The following C12orf42 variants were observed in gnomAD, a reference collection of about 807,000 sequenced individuals.
C12orf42 encodes chromosome 12 open reading frame 42.
In C12orf42, 25 loss-of-function variants were observed where a neutral mutation model predicts 21.6. The observed-to-expected ratio is 1.16, with a 90% CI of 0.84 to 1.62. C12orf42 has a LOEUF of 1.62. C12orf42 is among the 40% of genes most tolerant of loss of function. The probability of loss-of-function intolerance (pLI) is 0.00; values close to 1 mark genes in which losing one functional copy is unlikely to be tolerated. For synonymous variants in C12orf42, 174 were observed against 175.0 expected, an observed-to-expected ratio of 0.99 and a Z score of 0.05; for missense variants, 483 against 459.3, an observed-to-expected ratio of 1.05 and a Z score of -0.47.
At chr12:103,327,298 G>A (rs1226649930) in intron 4 of C12orf42, among the ~76,000 whole-genome samples, 1 of 152,090 alleles carries the variant, frequency 6.6e-6, no homozygotes, top group East Asian at 1.9e-4. Flanking sequence ...TCCAATACAG[G>A]TATTCTGGGC....
chr12:103,091,454 A>C, the C12orf42 span, among the ~76,000 whole-genome samples: 1 of 151,842 alleles, frequency 6.6e-6, no homozygotes, highest in Non-Finnish European at 1.5e-5. Flanking sequence ...CGTTCTCCTC[A>C]TTTTGTTTTT....
At chr12:103,234,304 T>C (rs566697649), downstream of C12orf42, among the ~76,000 whole-genome samples, 1 of 152,360 alleles carries the variant, frequency 6.6e-6, no homozygotes, top group South Asian at 2.1e-4. Flanking sequence ...TTATGCCTAT[T>C]AGAATAAGTG....
At chr12:103,382,140 C>G (rs1027248010) in intron 3 of C12orf42, among the ~76,000 whole-genome samples, 1 of 152,112 alleles carries the variant, frequency 6.6e-6, no homozygotes, top group Non-Finnish European at 1.5e-5. Context: ...ATTGTACTAG[C>G]AAAGTAAAAG....
the C12orf42 span, among the ~76,000 whole-genome samples, chr12:103,145,176 G>A: frequency 1.3e-5 from 2 of 152,130 alleles, no homozygotes; most frequent in South Asian, 4.1e-4. Context: ...ACTTTTTAAA[G>A]CATTTCGAAC....
chr12:103,241,183 TA>T (rs10537065), intron 10 of C12orf42, among the ~76,000 whole-genome samples: 52,062 of 142,846 alleles, frequency 0.36, 9,069 homozygotes, highest in East Asian at 0.48. Context: ...CTGTTTTGTT[TA>T]AAAAAAAAAA....
the C12orf42 span, among the ~76,000 whole-genome samples, chr12:103,204,257 G>T: frequency 6.6e-6 from 1 of 152,176 alleles, no homozygotes. Flanking sequence ...GTTATGGACA[G>T]ACCCTAAAAC....
the C12orf42 span, among the ~76,000 whole-genome samples, chr12:103,149,482 G>C: frequency 1.3e-5 from 2 of 152,154 alleles, no homozygotes; most frequent in African/African-American, 4.8e-5. Flanking sequence ...AACTAACCTA[G>C]TGATATGGTT....
intron 3 of C12orf42, among the ~76,000 whole-genome samples, chr12:103,369,734 A>C (rs2045018229): frequency 6.6e-6 from 1 of 152,030 alleles, no homozygotes; most frequent in Admixed American, 6.6e-5. Context: ...ATTTGATTTA[A>C]ATCAAAAACT....
chr12:103,345,325 G>A (rs1470127469), intron 4 of C12orf42, among the ~76,000 whole-genome samples: 1 of 152,116 alleles, frequency 6.6e-6, no homozygotes, highest in Non-Finnish European at 1.5e-5. Flanking sequence ...ATTCCTGTGA[G>A]GATCAAATAA....
upstream of C12orf42, among the ~76,000 whole-genome samples, chr12:103,497,172 A>G (rs1955583324): frequency 1.3e-5 from 2 of 152,230 alleles, no homozygotes; most frequent in South Asian, 4.1e-4. Flanking sequence ...TATCATTCAT[A>G]TGCAAGAGAG....
the C12orf42 span, among the ~76,000 whole-genome samples, chr12:103,520,572 G>A: frequency 6.6e-6 from 1 of 151,924 alleles, no homozygotes; most frequent in Non-Finnish European, 1.5e-5. Context: ...TTTAAAATTA[G>A]TTGTTGGGGA....
intron 4 of C12orf42, among the ~76,000 whole-genome samples, chr12:103,337,760 G>C (rs1385382059): frequency 6.6e-6 from 1 of 152,032 alleles, no homozygotes; most frequent in Non-Finnish European, 1.5e-5. Flanking sequence ...ATTCTCCTCA[G>C]AACAAAACCT....
At chr12:103,330,028 T>A (rs11836638) in intron 4 of C12orf42, among the ~76,000 whole-genome samples, 3 of 152,100 alleles carry the variant, frequency 2.0e-5, no homozygotes, top group Admixed American at 6.5e-5. Context: ...GAGAGAAAAA[T>A]GTTGTGGGAC....
At chr12:103,359,421 T>C (rs2043883503) in intron 4 of C12orf42, among the ~76,000 whole-genome samples, 1 of 152,092 alleles carries the variant, frequency 6.6e-6, no homozygotes, top group Non-Finnish European at 1.5e-5. Context: ...ACCCAAATGT[T>C]CTTCAGCTGA....
At position 103,424,801 on chromosome 12, in the gene C12orf42, A is replaced by T. The variant is rs1214742449; in HGVS notation, c.79-23126T>A. On this transcript the variant is annotated intron_variant, in intron 2 of 5. Transcript: ENST00000548883. The stretch of plus-strand genomic sequence containing the variant: ...TTTGTTTTGTTTTGTTTTGTTTTTC[A>T]TTCCCCAGTGGTGCCTGGAACACCA... 2.0e-5 allele frequency among the ~76,000 whole-genome samples: 3 copies of T among 152,040 alleles called. No homozygotes were observed. The East Asian group carries it at 5.8e-4, about 29-fold the overall frequency.
At chr12:103,302,692 A>C in intron 5 of C12orf42, 133 bp from the exon 6 acceptor site, 1 of 734,510 alleles carries the variant, frequency 1.4e-6, no homozygotes, top group Admixed American at 3.4e-5. Flanking sequence ...AAAAAAAAAA[A>C]AAACCCTGAC....
chr12:103,078,405 A>G, the C12orf42 span, among the ~76,000 whole-genome samples: 39 of 152,342 alleles, frequency 2.6e-4, no homozygotes, highest in Middle Eastern at 3.4e-3. Context: ...CATTGCAAAC[A>G]TATAATTCCA....
chr12:103,069,530 G>A, the C12orf42 span, among the ~76,000 whole-genome samples: 1 of 152,114 alleles, frequency 6.6e-6, no homozygotes, highest in African/African-American at 2.4e-5. Flanking sequence ...AATATTTTAT[G>A]GCATTTATTA....
downstream of C12orf42, among the ~76,000 whole-genome samples, chr12:103,235,768 G>A (rs568494978): frequency 3.9e-5 from 6 of 152,236 alleles, no homozygotes; most frequent in South Asian, 1.2e-3. Context: ...CACTACCACT[G>A]TATTAATATT....
Sources: gnomAD v4.1 joint callset for allele counts (sites outside exome capture counted in the v4.1 genomes callset) on GRCh38, gnomAD v4.1.1 for gene constraint, MANE v1.5 for transcripts, NCBI Gene and HGNC (gene_info 2026-07-23, HGNC 2026-07-21) for gene names.